OPCML: variants seen among roughly 807,000 people sequenced by gnomAD.
OPCML encodes the protein opioid binding protein/cell adhesion molecule like.
In OPCML, 13 loss-of-function variants were observed where a neutral mutation model predicts 37.8. The observed-to-expected ratio is 0.34, with a 90% CI of 0.22 to 0.55. The LOEUF (loss-of-function observed/expected upper bound fraction) is 0.55. Ranked by LOEUF, OPCML falls within the 20% of genes least tolerant of loss-of-function variation. The pLI is 0.91. For missense variants in OPCML, 341 were observed against 435.6 expected (o/e 0.78, Z 1.93); for synonymous variants, 176 against 168.8 (o/e 1.04, Z -0.33).
intron 2 of OPCML, among the ~76,000 whole-genome samples, chr11:132,682,224 C>G (rs564058724): frequency 1.3e-5 from 2 of 152,108 alleles, no homozygotes; most frequent in Non-Finnish European, 2.9e-5. Flanking sequence ...AGCAAGGCAC[C>G]CTCGTCATGA....
chr11:133,477,172 C>T (rs544349468), intron 1 of OPCML, among the ~76,000 whole-genome samples: 4 of 152,260 alleles, frequency 2.6e-5, no homozygotes, highest in South Asian at 2.1e-4. Flanking sequence ...TTTCCCCCCA[C>T]GTTTTTCTGT....
rs186597978 is a variant in OPCML at position 132,480,387 on chromosome 11, G to C, written c.506-43028C>G. Reference sequence around the variant, plus strand: ...GACTATGTGAAAAGACCAAATCTACGTCTGATTGGTGTACCTGAAAGTGAT... The same window carrying C: ...GACTATGTGAAAAGACCAAATCTACCTCTGATTGGTGTACCTGAAAGTGAT... On this transcript the variant is annotated intron_variant, in intron 4 of 7. Coordinates refer to ENST00000524381, the MANE Select transcript of OPCML (RefSeq NM_001012393.5). Among the ~76,000 whole-genome samples the C allele has an allele frequency of 1.2e-3, 179 of 152,290 alleles. 1 individual carries two copies. Among genetic ancestry groups the C allele is most frequent in the African/African-American group, 3.7e-3 (153 of 41,560 alleles).
Position 132,543,711 on chromosome 11 carries a change from T to C in OPCML, c.380-14525A>G, listed in dbSNP as rs371461585. 7.9e-5 allele frequency among the ~76,000 whole-genome samples: 12 copies of C among 152,240 alleles called. No individual in the cohort carries two copies. The South Asian group carries it at 1.5e-3, about 18-fold the overall frequency. ...TGTAGCATACACAGTAATGGTTCTT[T>C]ATAATATAGAAAGTACAACACATAA... On this transcript the variant is annotated intron_variant, in intron 3 of 7. Transcript: ENST00000524381.
intron 4 of OPCML, among the ~76,000 whole-genome samples, chr11:132,477,857 A>G (rs940242855): frequency 2.0e-5 from 3 of 152,214 alleles, no homozygotes; most frequent in African/African-American, 7.2e-5. Flanking sequence ...CTTGGGGTGC[A>G]TAGAGTAATT....
chr11:132,913,090 T>C (rs988650385), intron 2 of OPCML, among the ~76,000 whole-genome samples: 2 of 152,226 alleles, frequency 1.3e-5, no homozygotes, highest in South Asian at 4.1e-4. Context: ...CAATCTCCTA[T>C]TTTTTCTGTC....
At chr11:132,676,238 C>T (rs995609430) in intron 2 of OPCML, among the ~76,000 whole-genome samples, 2 of 152,050 alleles carry the variant, frequency 1.3e-5, no homozygotes, top group Admixed American at 6.6e-5. Flanking sequence ...TGGATGTCCA[C>T]ACACAATTGA....
intron 2 of OPCML, among the ~76,000 whole-genome samples, chr11:132,902,042 G>A (rs1186461330): frequency 6.6e-6 from 1 of 152,188 alleles, no homozygotes; most frequent in African/African-American, 2.4e-5. Context: ...GTAAATGTAT[G>A]TATGGCTTAT....
intron 3 of OPCML, among the ~76,000 whole-genome samples, chr11:132,597,548 C>A (rs2096494290): frequency 6.6e-6 from 1 of 152,178 alleles, no homozygotes; most frequent in Non-Finnish European, 1.5e-5. Flanking sequence ...GTCAGGACTT[C>A]GATCTCCTCA....
intron 2 of OPCML, among the ~76,000 whole-genome samples, chr11:132,734,856 T>C (rs1330349059): frequency 3.3e-5 from 5 of 152,156 alleles, no homozygotes; most frequent in Admixed American, 2.6e-4. Context: ...ATAAGCCTAA[T>C]GGTTCTTGAG....
intron 1 of OPCML, among the ~76,000 whole-genome samples, chr11:133,082,405 C>T (rs1210796679): frequency 7.6e-6 from 1 of 132,310 alleles, no homozygotes; most frequent in Non-Finnish European, 1.7e-5. Context: ...CCCCGCACCC[C>T]TCCTCTCCTC....
At chr11:132,727,119 T>C (rs1050495264) in intron 2 of OPCML, among the ~76,000 whole-genome samples, 1 of 152,142 alleles carries the variant, frequency 6.6e-6, no homozygotes, top group Non-Finnish European at 1.5e-5. Flanking sequence ...GCACTATATA[T>C]ACGCATCAAT....
intron 1 of OPCML, among the ~76,000 whole-genome samples, chr11:133,218,045 C>CA (rs112195465): frequency 0.024 from 3,486 of 144,488 alleles, 105 homozygotes; most frequent in African/African-American, 0.064. Flanking sequence ...TACCCTGTCT[C>CA]AAAAAAAAAA....
chr11:132,420,727 C>T (rs890568879), intron 7 of OPCML, among the ~76,000 whole-genome samples: 13 of 152,200 alleles, frequency 8.5e-5, no homozygotes, highest in South Asian at 6.2e-4. Flanking sequence ...GAAGGGGAGA[C>T]GGATGGAGAC....
intron 1 of OPCML, among the ~76,000 whole-genome samples, chr11:132,975,556 A>G (rs1451098175): frequency 4.3e-4 from 23 of 53,426 alleles, no homozygotes; most frequent in Admixed American, 8.7e-4. Context: ...AAAAAAAAAA[A>G]AAAAAAAAAA....
intron 1 of OPCML, among the ~76,000 whole-genome samples, chr11:133,219,301 C>A (rs1004837017): frequency 1.3e-5 from 2 of 152,182 alleles, no homozygotes; most frequent in African/African-American, 4.8e-5. Flanking sequence ...AACTTCATTA[C>A]AATGTAGTCC....
intron 4 of OPCML, among the ~76,000 whole-genome samples, chr11:132,459,326 C>T (rs994312565): frequency 6.6e-6 from 1 of 151,858 alleles, no homozygotes; most frequent in East Asian, 1.9e-4. Context: ...GGGTCTTGTG[C>T]TTGGAGAAGG....
At chr11:132,577,209 GT>G (rs2096453002) in intron 3 of OPCML, among the ~76,000 whole-genome samples, 1 of 152,130 alleles carries the variant, frequency 6.6e-6, no homozygotes, top group African/African-American at 2.4e-5. Flanking sequence ...GAATTGGTGA[GT>G]TTGTCAGGAA....
chr11:132,580,999 A>T (rs567979657), intron 3 of OPCML, among the ~76,000 whole-genome samples: 1 of 152,298 alleles, frequency 6.6e-6, no homozygotes, highest in South Asian at 2.1e-4. Context: ...TGTCCAGACC[A>T]CGTCTTATGT....
intron 1 of OPCML, among the ~76,000 whole-genome samples, chr11:133,515,279 G>A (rs892532617): frequency 6.6e-6 from 1 of 152,172 alleles, no homozygotes; most frequent in African/African-American, 2.4e-5. Flanking sequence ...ATACTGCACT[G>A]ACCATTTAAA....
Sources: gnomAD v4.1 joint callset for allele counts (sites outside exome capture counted in the v4.1 genomes callset) on GRCh38, gnomAD v4.1.1 for gene constraint, MANE v1.5 for transcripts, NCBI Gene and HGNC (gene_info 2026-07-23, HGNC 2026-07-21) for gene names.